PSMA5: variants seen among roughly 807,000 people sequenced by gnomAD.
PSMA5 encodes the protein proteasome 20S subunit alpha 5, also known as proteasome subunit alpha type-5.
Under a neutral mutation model 34.5 loss-of-function variants are expected in PSMA5, and 3 were observed. That is an observed-to-expected ratio of 0.09 (90% CI 0.04 to 0.22). The LOEUF (loss-of-function observed/expected upper bound fraction) is 0.22, where lower values mean the gene tolerates loss of function less well. PSMA5 is among the 10% of genes least tolerant of loss of function. The pLI, the probability that PSMA5 is intolerant of heterozygous loss-of-function variation, is 1.00. For missense variants in PSMA5, 120 were observed against 286.1 expected (o/e 0.42, Z 4.19); for synonymous variants, 88 against 95.8 (o/e 0.92, Z 0.47).
intron 2 of PSMA5, among the ~76,000 whole-genome samples, chr1:109,421,064 T>C (rs1338992758): frequency 6.7e-6 from 1 of 150,054 alleles, no homozygotes; most frequent in Non-Finnish European, 1.5e-5. Flanking sequence ...TGCACACATC[T>C]GTACCCTAGC....
At position 109,401,271 on chromosome 1, in the gene PSMA5, C is replaced by T. The variant is rs10858092; in HGVS notation, c.*742G>A. ...TAATTTAATTCTTAGTCCTTCACTT[C>T]GTAAACAAGGAAATCTCTTTCCAAA... On this transcript the variant is annotated 3_prime_UTR_variant, in exon 9 of 9. Transcript: ENST00000271308. The T allele has an allele frequency of 0.65, 98,524 of 152,036 alleles. 33,771 individuals carry two copies. The highest frequency in any genetic ancestry group is 0.96 in the East Asian group (4,965 of 5,180). The allele number at this position is 152,036 out of a possible 1,614,324, so 9.4% of individuals were successfully genotyped here.
chr1:109,410,153 A>G, intron 7 of PSMA5, 139 bp from the exon 8 acceptor site: 1 of 624,898 alleles, frequency 1.6e-6, no homozygotes, highest in Non-Finnish European at 2.8e-6. Context: ...CATTACAAGT[A>G]TCTCCAGAAC....
Position 109,401,801 on chromosome 1 carries a change from A to T in PSMA5, c.*212T>A. 1 of 257,654 alleles carries T rather than the reference A, an allele frequency of 3.9e-6. No homozygotes were observed. The highest frequency in any genetic ancestry group is 7.3e-6 in the Non-Finnish European group (1 of 137,564). The allele number at this position is 257,654 out of a possible 1,614,324, so 16.0% of individuals were successfully genotyped here. On this transcript the variant is annotated 3_prime_UTR_variant, in exon 9 of 9. Transcript: ENST00000271308. ...AATATAGTGAGACCTCATCTCTTAAAAAAAAAAAAAAAAAAAAGACTATTA... is the reference window on the plus strand; with the variant it reads ...AATATAGTGAGACCTCATCTCTTAATAAAAAAAAAAAAAAAAAGACTATTA...
intron 2 of PSMA5, among the ~76,000 whole-genome samples, chr1:109,419,818 A>AAAC (rs1654367226): frequency 7.0e-6 from 1 of 143,542 alleles, no homozygotes; most frequent in Non-Finnish European, 1.5e-5. Flanking sequence ...AAAAAAAAAA[A>AAAC]AAAAAACAAG....
rs1457617830 is a variant in PSMA5, at chr1:109,400,653, C to T, written c.*1360G>A. 6.6e-6 allele frequency: 1 copy of T among 152,184 alleles called. No individual in the cohort carries two copies. Among genetic ancestry groups the T allele is most frequent in the Non-Finnish European group, 1.5e-5 (1 of 68,026 alleles). 9.4% of individuals were successfully genotyped at this position (152,184 alleles called of 1,614,324 possible). ...TATGTGTTATTCTAGGGCAAAATCC[C>T]TTTCTTCCAAATGTTTCCTATCATT... is the stretch of plus-strand genomic sequence containing the variant. On this transcript the variant is annotated 3_prime_UTR_variant, in exon 9 of 9. Transcript: ENST00000271308.
At chr1:109,422,928 T>C (rs1654504580) in intron 1 of PSMA5, among the ~76,000 whole-genome samples, 1 of 152,244 alleles carries the variant, frequency 6.6e-6, no homozygotes, top group Admixed American at 6.5e-5. Context: ...GTCAGACTGC[T>C]TTCCTCTCTA....
At chr1:109,403,128 GCAA>G (rs1016898457) in intron 8 of PSMA5, among the ~76,000 whole-genome samples, 14 of 152,088 alleles carry the variant, frequency 9.2e-5, no homozygotes, top group African/African-American at 3.1e-4. Flanking sequence ...ACATTTAAAA[GCAA>G]CAACAACAAT....
At position 109,415,267 on chromosome 1, in the gene PSMA5, C is replaced by T; in HGVS notation, c.193G>A (p.Glu65Lys). The T allele has an allele frequency of 1.2e-6, 2 of 1,613,900 alleles. No individual in the cohort carries two copies. Among genetic ancestry groups the T allele is most frequent in the Non-Finnish European group, 1.7e-6 (2 of 1,179,836 alleles). Residue 65 changes from glutamate (E) to lysine (K), a missense_variant, in exon 3 of 9, where the codon GAG (glutamate) becomes AAG (lysine). Glu to Lys is a moderately conservative substitution (Grantham distance 56). Transcript: ENST00000271308. ...TSPLMEPSSI[E>K]KIVEIDAHIG... is the part of the protein sequence containing the mutation. Reference sequence around the variant, plus strand: ...TGAGCATCAATCTCTACAATTTTCTCAATGCTGCTGGGCTCCATCAGTGGG... The same window carrying T: ...TGAGCATCAATCTCTACAATTTTCTTAATGCTGCTGGGCTCCATCAGTGGG...
chr1:109,410,160 G>A, intron 7 of PSMA5, 146 bp from the exon 8 acceptor site: 1 of 598,208 alleles, frequency 1.7e-6, no homozygotes, highest in Non-Finnish European at 3.0e-6. Context: ...AGTATCTCCA[G>A]AACTCAAGTA....
intron 2 of PSMA5, among the ~76,000 whole-genome samples, chr1:109,418,386 G>A (rs777019331): frequency 1.1e-4 from 17 of 152,068 alleles, no homozygotes; most frequent in African/African-American, 3.9e-4. Context: ...GCACAATCAC[G>A]TCTCATGGAG....
At chr1:109,405,890 G>A (rs1047368754) in intron 8 of PSMA5, among the ~76,000 whole-genome samples, 2 of 152,174 alleles carry the variant, frequency 1.3e-5, no homozygotes, top group Admixed American at 1.3e-4. Context: ...GGAAAAATGG[G>A]AACCTGAACA....
chr1:109,418,715 G>T (rs898553890), intron 2 of PSMA5, among the ~76,000 whole-genome samples: 4 of 152,084 alleles, frequency 2.6e-5, no homozygotes, highest in African/African-American at 9.7e-5. Flanking sequence ...AAAGTACTGA[G>T]ATTATAGGGA....
At chr1:109,414,232 CTT>C in intron 3 of PSMA5, among the ~76,000 whole-genome samples, 1 of 152,314 alleles carries the variant, frequency 6.6e-6, no homozygotes, top group South Asian at 2.1e-4. Flanking sequence ...TACCCAGACA[CTT>C]GTTTGCCTTG....
chr1:109,415,168 C>T, intron 3 of PSMA5, 69 bp downstream of exon 3: 7 of 1,493,666 alleles, frequency 4.7e-6, no homozygotes, highest in Non-Finnish European at 6.3e-6. Flanking sequence ...ATAAACCTTC[C>T]TTGGAACATC....
chr1:109,423,215 G>A (rs1377444204), intron 1 of PSMA5, among the ~76,000 whole-genome samples: 1 of 152,144 alleles, frequency 6.6e-6, no homozygotes, highest in African/African-American at 2.4e-5. Flanking sequence ...GAGGCAGGCG[G>A]ATCACCTGAG....
At chr1:109,424,413 A>C (rs748809097) in intron 1 of PSMA5, among the ~76,000 whole-genome samples, 1 of 152,102 alleles carries the variant, frequency 6.6e-6, no homozygotes, top group Non-Finnish European at 1.5e-5. Context: ...TCCTGAGCTC[A>C]GGCAATCCTG....
At position 109,401,988 on chromosome 1, in the gene PSMA5, G is replaced by C. The variant is rs778381020; in HGVS notation, c.*25C>G. ...CATTATTAGAACTGAAATTGTCCCA[G>C]AGAAGTTCTGAGGATCAGGATTCCT... On this transcript the variant is annotated 3_prime_UTR_variant, in exon 9 of 9. Transcript: ENST00000271308. 1 of 1,540,684 alleles carries C rather than the reference G, an allele frequency of 6.5e-7. No homozygotes were observed. Among genetic ancestry groups the C allele is most frequent in the Non-Finnish European group, 8.9e-7 (1 of 1,118,264 alleles).
chr1:109,402,387 C>G (rs977946769), intron 8 of PSMA5, among the ~76,000 whole-genome samples: 1 of 152,202 alleles, frequency 6.6e-6, no homozygotes, highest in African/African-American at 2.4e-5. Context: ...ACAAAAGCAG[C>G]AGCAAAGTAC....
rs1653532099 is a variant in PSMA5, at chr1:109,401,713, A to G, written c.*300T>C. 1 of 212,288 alleles carries G rather than the reference A, an allele frequency of 4.7e-6. No individual in the cohort carries two copies. The allele number at this position is 212,288 out of a possible 1,614,324, so 13.2% of individuals were successfully genotyped here. ...CACAGTGGCTCTCGCCTATAATCCT[A>G]GCACTTCAGGAGGCAGAGGCGGGAA... On this transcript the variant is annotated 3_prime_UTR_variant, in exon 9 of 9. Coordinates refer to ENST00000271308, the MANE Select transcript of PSMA5 (RefSeq NM_002790.4).
Sources: gnomAD v4.1 joint callset for allele counts (sites outside exome capture counted in the v4.1 genomes callset) on GRCh38, gnomAD v4.1.1 for gene constraint, MANE v1.5 for transcripts, NCBI Gene and HGNC (gene_info 2026-07-23, HGNC 2026-07-21) for gene names.